Variants in BCKDHB observed in about 807,000 individuals in gnomAD.
BCKDHB encodes the protein 2-oxoisovalerate dehydrogenase subunit beta, mitochondrial.
Under a neutral mutation model 48.5 loss-of-function variants are expected in BCKDHB, and 41 were observed. That is an observed-to-expected ratio of 0.85 (90% CI 0.66 to 1.10). The LOEUF is 1.10. Ranked by LOEUF, BCKDHB falls within the 50% of genes least tolerant of loss-of-function variation. BCKDHB has a pLI of 0.00. For missense variants in BCKDHB, 496 were observed against 494.2 expected, an observed-to-expected ratio of 1.00 and a Z score of -0.03; for synonymous variants, 201 against 174.8, an observed-to-expected ratio of 1.15 and a Z score of -1.18.
At chr6:80,169,364 C>T (rs992755592) in intron 5 of BCKDHB, among the ~76,000 whole-genome samples, 2 of 152,158 alleles carry the variant, frequency 1.3e-5, no homozygotes, top group Non-Finnish European at 2.9e-5. Flanking sequence ...TTAAGTCTTT[C>T]TCACTTAACT....
chr6:80,447,794 A>T, the BCKDHB span, among the ~76,000 whole-genome samples: 2 of 152,142 alleles, frequency 1.3e-5, no homozygotes, highest in African/African-American at 2.4e-5. Context: ...GTGCAACAAG[A>T]ACTGGACTAG....
chr6:80,152,885 G>A (rs1186752753), intron 3 of BCKDHB, among the ~76,000 whole-genome samples: 1 of 152,128 alleles, frequency 6.6e-6, no homozygotes, highest in East Asian at 1.9e-4. Context: ...ATAGCTCAGG[G>A]ACCCTTGAGG....
At chr6:80,377,366 CT>C in the BCKDHB span, among the ~76,000 whole-genome samples, 433 of 152,154 alleles carry the variant, frequency 2.8e-3, 1 homozygote, top group Non-Finnish European at 4.4e-3. Context: ...TCCAATTTAT[CT>C]AATTTTTTTG....
chr6:80,444,172 G>C, the BCKDHB span, among the ~76,000 whole-genome samples: 1 of 152,068 alleles, frequency 6.6e-6, no homozygotes, highest in Non-Finnish European at 1.5e-5. Context: ...GGAAGGTTAA[G>C]TGGCAGCCAG....
rs183016023 is a variant in BCKDHB at position 80,269,373 on chromosome 6, G to C, written c.952-3762G>C. Among the ~76,000 whole-genome samples the C allele has an allele frequency of 8.9e-4, 136 of 152,210 alleles. 1 individual carries two copies. The highest frequency in any genetic ancestry group is 3.2e-3 in the African/African-American group (133 of 41,550). ...CTAACTGAAGTGGTGAGAAAACTGCGAGCCTTTCAGGACTGTTTTTAATGC... is the reference window on the plus strand; with the variant it reads ...CTAACTGAAGTGGTGAGAAAACTGCCAGCCTTTCAGGACTGTTTTTAATGC... On this transcript the variant is annotated intron_variant, in intron 8 of 9. Transcript: ENST00000320393.
At chr6:80,215,790 C>A (rs534597317) in intron 8 of BCKDHB, among the ~76,000 whole-genome samples, 14 of 152,152 alleles carry the variant, frequency 9.2e-5, no homozygotes, top group Non-Finnish European at 2.1e-4. Flanking sequence ...TGCCACCAGT[C>A]TGGAGTGCAG....
At chr6:80,415,703 G>A in the BCKDHB span, among the ~76,000 whole-genome samples, 3 of 152,210 alleles carry the variant, frequency 2.0e-5, no homozygotes, top group African/African-American at 7.2e-5. Context: ...TTGCATCAAT[G>A]TTCATTAAGG....
chr6:80,293,896 G>A (rs531163855), intron 9 of BCKDHB, among the ~76,000 whole-genome samples: 6 of 152,174 alleles, frequency 3.9e-5, no homozygotes, highest in African/African-American at 1.2e-4. Flanking sequence ...CAAGAGTAAC[G>A]TTTACACCAT....
At chr6:80,365,961 G>A in the BCKDHB span, among the ~76,000 whole-genome samples, 2 of 152,168 alleles carry the variant, frequency 1.3e-5, no homozygotes, top group Non-Finnish European at 2.9e-5. Flanking sequence ...GAAAGCAAAT[G>A]ATCTCAGTAC....
intron 3 of BCKDHB, among the ~76,000 whole-genome samples, chr6:80,133,187 T>C (rs1489336941): frequency 1.3e-5 from 2 of 152,242 alleles, no homozygotes; most frequent in African/African-American, 2.4e-5. Flanking sequence ...TGCCAGCACT[T>C]GAACTGCTGC....
chr6:80,398,478 G>C, the BCKDHB span, among the ~76,000 whole-genome samples: 1 of 151,844 alleles, frequency 6.6e-6, no homozygotes, highest in Non-Finnish European at 1.5e-5. Flanking sequence ...AAAACAAGAA[G>C]ATATGGATAA....
At chr6:80,229,133 A>G (rs1229078861) in intron 8 of BCKDHB, among the ~76,000 whole-genome samples, 1 of 152,224 alleles carries the variant, frequency 6.6e-6, no homozygotes, top group East Asian at 1.9e-4. Context: ...AGAAATGGAG[A>G]ACAAAGTAAA....
the BCKDHB span, among the ~76,000 whole-genome samples, chr6:80,437,758 G>A: frequency 2.6e-3 from 401 of 152,174 alleles, 5 homozygotes; most frequent in African/African-American, 9.2e-3. Flanking sequence ...AAGCTCCTAT[G>A]GTGCATAAAT....
the BCKDHB span, among the ~76,000 whole-genome samples, chr6:80,387,540 A>G: frequency 2.0e-5 from 3 of 152,354 alleles, no homozygotes; most frequent in East Asian, 5.8e-4. Context: ...GTGGATTATC[A>G]TAAGCTTAAC....
intron 9 of BCKDHB, among the ~76,000 whole-genome samples, chr6:80,301,604 A>C: frequency 6.6e-6 from 1 of 152,156 alleles, no homozygotes; most frequent in Non-Finnish European, 1.5e-5. Context: ...AATCCTACTG[A>C]AACTCTGCTT....
At chr6:80,193,268 A>G (rs114610644) in intron 6 of BCKDHB, among the ~76,000 whole-genome samples, 2,948 of 152,302 alleles carry the variant, frequency 0.019, 94 homozygotes, top group African/African-American at 0.067. Flanking sequence ...TTCTGTTTCA[A>G]GTTAATATTG....
chr6:80,175,352 G>A (rs1467818974), intron 6 of BCKDHB, among the ~76,000 whole-genome samples: 4 of 152,244 alleles, frequency 2.6e-5, no homozygotes, highest in African/African-American at 9.6e-5. Flanking sequence ...GCTAGTCTTT[G>A]GCTTAAGTGC....
chr6:80,285,496 C>T (rs1766583436), intron 9 of BCKDHB, among the ~76,000 whole-genome samples: 1 of 143,038 alleles, frequency 7.0e-6, no homozygotes, highest in African/African-American at 2.6e-5. Context: ...TGGGTAAATC[C>T]TTCTGGTAGT....
At chr6:80,460,812 T>G in the BCKDHB span, among the ~76,000 whole-genome samples, 1 of 152,272 alleles carries the variant, frequency 6.6e-6, no homozygotes, top group Non-Finnish European at 1.5e-5. Flanking sequence ...AGACCTTATC[T>G]TTCTTGACTG....
Sources: allele counts gnomAD v4.1 joint callset (sites outside exome capture counted in the v4.1 genomes callset), GRCh38; gene constraint gnomAD v4.1.1; transcripts MANE v1.5; gene names NCBI Gene and HGNC (gene_info 2026-07-23, HGNC 2026-07-21).